The following LMX1A variants were observed in gnomAD, a reference collection of about 807,000 sequenced individuals.
The protein encoded by LMX1A is LIM homeobox transcription factor 1 alpha, also known as LIM homeobox transcription factor 1-alpha.
A neutral mutation model predicts 49.1 loss-of-function variants in LMX1A; 15 were observed. The ratio of observed to expected loss-of-function variants is 0.31; its 90% CI spans 0.20 to 0.47. The LOEUF is 0.47. Among genes scored for constraint, LMX1A ranks in the 20% least tolerant of loss-of-function variants. The pLI, the probability that LMX1A is intolerant of heterozygous loss-of-function variation, is 1.00. For synonymous variants in LMX1A, 167 were observed against 185.7 expected (o/e 0.90, Z 0.82); for missense variants, 372 against 475.8 (o/e 0.78, Z 2.03).
rs145042847 is a variant in LMX1A, at chr1:165,322,979, T to C, written c.263+30097A>G. On this transcript the variant is annotated intron_variant, in intron 3 of 8. Transcript: ENST00000342310. ...CTGTGCCCCTTAGATCAGAACACAA[T>C]TTGCTGATTCCAAACTCTATTTCCT... Among the ~76,000 whole-genome samples the C allele has an allele frequency of 8.5e-5, 13 of 152,228 alleles. No individual in the cohort carries two copies. The East Asian group carries it at 2.3e-3, about 27-fold the overall frequency.
intron 3 of LMX1A, among the ~76,000 whole-genome samples, chr1:165,312,231 G>C (rs915593148): frequency 1.3e-5 from 2 of 152,166 alleles, no homozygotes; most frequent in Non-Finnish European, 2.9e-5. Flanking sequence ...CTGTGTATTA[G>C]ATTAGCAAAA....
Position 165,333,839 on chromosome 1 carries a change from C to A in LMX1A, c.263+19237G>T, listed in dbSNP as rs553021361. ...TTGGGTTCCTCATTCTAAAAAGAAG[C>A]AGTTACATTAGGTGTTTTCTAATAT... On this transcript the variant is annotated intron_variant, in intron 3 of 8. Coordinates refer to ENST00000342310, the MANE Select transcript of LMX1A (RefSeq NM_177398.4). Among the ~76,000 whole-genome samples the A allele has an allele frequency of 3.9e-5, 6 of 152,216 alleles. No homozygotes were observed. The East Asian group carries it at 9.6e-4, about 24-fold the overall frequency.
intron 3 of LMX1A, among the ~76,000 whole-genome samples, chr1:165,315,254 C>T (rs1655185125): frequency 6.6e-6 from 1 of 152,180 alleles, no homozygotes; most frequent in Non-Finnish European, 1.5e-5. Flanking sequence ...CTACAACTCC[C>T]CTCTGGCCAC....
At chr1:165,257,598 A>G (rs1653295471) in intron 3 of LMX1A, among the ~76,000 whole-genome samples, 1 of 152,010 alleles carries the variant, frequency 6.6e-6, no homozygotes, top group Admixed American at 6.6e-5. Flanking sequence ...GTCTACTGTG[A>G]CTCCAAAGAG....
rs531675792 is a variant in LMX1A, at chr1:165,316,591, G to C, written c.263+36485C>G. 3.3e-5 allele frequency among the ~76,000 whole-genome samples: 5 copies of C among 152,336 alleles called. No homozygotes were observed. In the South Asian group the frequency reaches 1.0e-3, roughly 32 times the overall value. On this transcript the variant is annotated intron_variant, in intron 3 of 8. Coordinates refer to ENST00000342310, the MANE Select transcript of LMX1A (RefSeq NM_177398.4). ...AGGAAAAACTGGGGCTTCCCGGCTG[G>C]TACTGAGACATACGCACAAGTGCTT...
intron 4 of LMX1A, among the ~76,000 whole-genome samples, chr1:165,231,932 T>C (rs1652254531): frequency 6.6e-6 from 1 of 152,200 alleles, no homozygotes; most frequent in South Asian, 2.1e-4. Context: ...CCAAATGCAT[T>C]GAGAGCACAC....
chr1:165,336,038 T>A (rs988475432), intron 3 of LMX1A, among the ~76,000 whole-genome samples: 3 of 152,208 alleles, frequency 2.0e-5, no homozygotes, highest in African/African-American at 7.2e-5. Context: ...ATAATTAGCA[T>A]CCATTTATCG....
intron 4 of LMX1A, among the ~76,000 whole-genome samples, chr1:165,231,078 GT>G (rs1405790008): frequency 6.6e-6 from 1 of 150,390 alleles, no homozygotes; most frequent in African/African-American, 2.4e-5. Flanking sequence ...AAATAATTAG[GT>G]TTTTTAAAAT....
chr1:165,210,203 C>T (rs974498955), intron 6 of LMX1A, among the ~76,000 whole-genome samples: 12 of 152,120 alleles, frequency 7.9e-5, no homozygotes. Flanking sequence ...AAAACTAAAA[C>T]CATGATGAGG....
At chr1:165,334,144 A>G (rs1293762960) in intron 3 of LMX1A, among the ~76,000 whole-genome samples, 1 of 152,128 alleles carries the variant, frequency 6.6e-6, no homozygotes, top group South Asian at 2.1e-4. Context: ...GCACCACTAA[A>G]CCCAAGATTG....
chr1:165,307,930 A>C (rs1233056856), intron 3 of LMX1A, among the ~76,000 whole-genome samples: 1 of 152,184 alleles, frequency 6.6e-6, no homozygotes, highest in Non-Finnish European at 1.5e-5. Flanking sequence ...AAGGCCACCA[A>C]CCATGGCTAC....
chr1:165,341,697 C>T (rs1571232904), intron 3 of LMX1A, among the ~76,000 whole-genome samples: 1 of 151,508 alleles, frequency 6.6e-6, no homozygotes, highest in Non-Finnish European at 1.5e-5. Flanking sequence ...GTTTTCTATC[C>T]CTGTGGCCAT....
At chr1:165,323,975 C>A (rs12737755) in intron 3 of LMX1A, among the ~76,000 whole-genome samples, 2 of 152,140 alleles carry the variant, frequency 1.3e-5, no homozygotes, top group African/African-American at 2.4e-5. Context: ...TGTAGTTAAC[C>A]TATCATCTCA....
At chr1:165,341,957 T>A (rs1656090873) in intron 3 of LMX1A, among the ~76,000 whole-genome samples, 1 of 152,218 alleles carries the variant, frequency 6.6e-6, no homozygotes, top group Non-Finnish European at 1.5e-5. Flanking sequence ...CTAGGTAAAG[T>A]ACATTCCAGT....
intron 7 of LMX1A, among the ~76,000 whole-genome samples, chr1:165,206,512 G>A (rs542340429): frequency 2.6e-4 from 39 of 152,270 alleles, no homozygotes; most frequent in African/African-American, 7.5e-4. Flanking sequence ...CTCTGAACCT[G>A]GGAAGAACAG....
intron 4 of LMX1A, among the ~76,000 whole-genome samples, chr1:165,245,678 G>T (rs1464702357): frequency 6.6e-6 from 1 of 151,408 alleles, no homozygotes; most frequent in South Asian, 2.1e-4. Context: ...TAGGGACACT[G>T]TAGTTCTATT....
At chr1:165,283,624 C>T (rs527501014) in intron 3 of LMX1A, among the ~76,000 whole-genome samples, 9 of 152,324 alleles carry the variant, frequency 5.9e-5, no homozygotes, top group Non-Finnish European at 1.2e-4. Context: ...CACTTTACCA[C>T]ATACCCTGCA....
chr1:165,214,106 T>A (rs747887873), intron 4 of LMX1A, among the ~76,000 whole-genome samples: 2 of 152,198 alleles, frequency 1.3e-5, no homozygotes, highest in Admixed American at 1.3e-4. Context: ...ATGGTTTAGT[T>A]CTGAGTCCCC....
At chr1:165,277,342 G>T (rs762915554) in intron 3 of LMX1A, among the ~76,000 whole-genome samples, 2 of 152,156 alleles carry the variant, frequency 1.3e-5, no homozygotes, top group Non-Finnish European at 2.9e-5. Flanking sequence ...CTCCACCAGG[G>T]CTCACTACCA....
Sources: gnomAD v4.1 joint callset for allele counts (sites outside exome capture counted in the v4.1 genomes callset) on GRCh38, gnomAD v4.1.1 for gene constraint, MANE v1.5 for transcripts, NCBI Gene and HGNC (gene_info 2026-07-23, HGNC 2026-07-21) for gene names.